The following ITIH5 variants were observed in gnomAD, a reference collection of about 807,000 sequenced individuals.
The protein encoded by ITIH5 is inter-alpha-trypsin inhibitor heavy chain 5, also known as inter-alpha-trypsin inhibitor heavy chain H5.
Under a neutral mutation model 77.5 loss-of-function variants are expected in ITIH5, and 65 were observed. The ratio of observed to expected loss-of-function variants is 0.84; its 90% CI spans 0.69 to 1.03. The LOEUF is 1.03. Among genes scored for constraint, ITIH5 ranks in the 50% least tolerant of loss-of-function variants. The probability of loss-of-function intolerance (pLI) is 0.00; values close to 1 mark genes in which losing one functional copy is unlikely to be tolerated. For missense variants in ITIH5, 1,208 were observed against 1,213.1 expected (o/e 1.00, Z 0.06); for synonymous variants, 525 against 494.3 (o/e 1.06, Z -0.82).
intron 8 of ITIH5, among the ~76,000 whole-genome samples, chr10:7,584,575 G>C (rs972333392): frequency 2.0e-5 from 3 of 152,036 alleles, no homozygotes; most frequent in African/African-American, 7.2e-5. Context: ...AAAGTGCTGG[G>C]ATTACAAGTG....
chr10:7,612,657 T>TG (rs904948678), intron 7 of ITIH5, among the ~76,000 whole-genome samples: 7 of 140,382 alleles, frequency 5.0e-5, no homozygotes, highest in African/African-American at 1.9e-4. Context: ...AAAAAAGCTG[T>TG]GTTTTTTTTT....
At chr10:7,658,094 T>C (rs991757664) in intron 1 of ITIH5, among the ~76,000 whole-genome samples, 5 of 152,260 alleles carry the variant, frequency 3.3e-5, no homozygotes, top group African/African-American at 4.8e-5. Context: ...AAACACTATA[T>C]GTAACATGAT....
At position 7,576,905 on chromosome 10, in the gene ITIH5, C is replaced by A; in HGVS notation, c.1526G>T (p.Gly509Val). The change falls in exon 10 of 14, where the codon GGC becomes GTC. Residue 509 changes from glycine to valine, a missense_variant. Transcript: ENST00000397146. ...CTTCCCCGCAATGATGATCTCCGAG[C>A]CGTTGAAGTAGTTGGGGAACAGGGT... ...TKTLFPNYFN[G>V]SEIIIAGKLV... The A allele has an allele frequency of 6.2e-7, 1 of 1,614,152 alleles. No homozygotes were observed. The highest frequency in any genetic ancestry group is 8.5e-7 in the Non-Finnish European group (1 of 1,180,034).
intron 7 of ITIH5, chr10:7,609,524 C>G (rs1480216647): frequency 2.2e-6 from 1 of 452,904 alleles, no homozygotes; most frequent in Non-Finnish European, 4.4e-6. Context: ...TGTGAGTGAA[C>G]CAAAATCGAC....
intron 2 of ITIH5, among the ~76,000 whole-genome samples, chr10:7,646,319 C>A (rs1266155484): frequency 6.6e-6 from 1 of 152,206 alleles, no homozygotes; most frequent in Non-Finnish European, 1.5e-5. Context: ...GTAAAAACTT[C>A]TAATTATGCT....
intron 5 of ITIH5, among the ~76,000 whole-genome samples, chr10:7,629,261 G>A (rs866758249): frequency 1.3e-3 from 122 of 93,914 alleles, no homozygotes; most frequent in African/African-American, 3.6e-3. Flanking sequence ...ATGTTGTAGC[G>A]TGTGTCCATG....
At chr10:7,598,985 T>C (rs928829943) in intron 7 of ITIH5, among the ~76,000 whole-genome samples, 3 of 152,260 alleles carry the variant, frequency 2.0e-5, no homozygotes. Flanking sequence ...TATGTTAAGA[T>C]TAGTTATCTA....
rs60583514 is a variant in ITIH5 at position 7,633,132 on chromosome 10, G to A, written c.652+4096C>T. Among the ~76,000 whole-genome samples the A allele has an allele frequency of 1.2e-3, 189 of 152,312 alleles. 1 individual carries two copies. Among genetic ancestry groups the A allele is most frequent in the African/African-American group, 4.4e-3 (183 of 41,570 alleles). ...TACTCTGTTCCACTGAGCTCTTAAA[G>A]CATGAGAATATTGTAGAGGATAAGA... is the stretch of plus-strand genomic sequence containing the variant. On this transcript the variant is annotated intron_variant, in intron 5 of 13. Coordinates refer to ENST00000397146, the MANE Select transcript of ITIH5 (RefSeq NM_030569.7).
At chr10:7,624,865 G>GTGTATATACA (rs1833547229) in intron 5 of ITIH5, among the ~76,000 whole-genome samples, 1 of 20,560 alleles carries the variant, frequency 4.9e-5, no homozygotes, top group Non-Finnish European at 9.6e-5. Context: ...GTGTATATAT[G>GTGTATATACA]TATATATGTA....
intron 11 of ITIH5, chr10:7,572,422 A>C: frequency 7.4e-7 from 1 of 1,360,262 alleles, no homozygotes; most frequent in Non-Finnish European, 9.8e-7. Flanking sequence ...AAACAAAAAC[A>C]AAGCCTGCCT....
At chr10:7,640,905 T>C (rs1430917125) in intron 3 of ITIH5, 50 bp from the exon 4 acceptor site, 1 of 1,198,454 alleles carries the variant, frequency 8.3e-7, no homozygotes, top group African/African-American at 1.5e-5. Context: ...CCAAGACAAA[T>C]TCAGACATGG....
chr10:7,619,010 G>A (rs534390053), intron 5 of ITIH5: 1 of 152,188 alleles, frequency 6.6e-6, no homozygotes, highest in Non-Finnish European at 1.5e-5. Flanking sequence ...TTTGTAGGGA[G>A]ACAGTTACAT....
At chr10:7,613,786 C>T (rs1046264569) in intron 7 of ITIH5, among the ~76,000 whole-genome samples, 1 of 152,182 alleles carries the variant, frequency 6.6e-6, no homozygotes, top group Non-Finnish European at 1.5e-5. Context: ...GGCCGCACAT[C>T]CCCTCTGTAG....
chr10:7,664,862 A>G (rs1834337028), intron 1 of ITIH5, among the ~76,000 whole-genome samples: 1 of 152,216 alleles, frequency 6.6e-6, no homozygotes, highest in South Asian at 2.1e-4. Flanking sequence ...ATTTAAGTAT[A>G]TTAATTGTTT....
At chr10:7,601,339 C>A (rs926738573) in intron 7 of ITIH5, among the ~76,000 whole-genome samples, 1 of 152,108 alleles carries the variant, frequency 6.6e-6, no homozygotes, top group South Asian at 2.1e-4. Context: ...GTCAAGAATG[C>A]CAAATGCCAA....
At chr10:7,606,623 C>T (rs1371600073) in intron 7 of ITIH5, among the ~76,000 whole-genome samples, 1 of 152,176 alleles carries the variant, frequency 6.6e-6, no homozygotes, top group Non-Finnish European at 1.5e-5. Flanking sequence ...AAAACTACTT[C>T]TCAGGTACTG....
chr10:7,604,653 GT>G (rs1833086094), intron 7 of ITIH5, among the ~76,000 whole-genome samples: 1 of 152,106 alleles, frequency 6.6e-6, no homozygotes, highest in African/African-American at 2.4e-5. Context: ...ATGCCTCGTG[GT>G]TTTCCCCAAC....
At chr10:7,569,997 T>C (rs572642039) in intron 11 of ITIH5, 30 of 464,726 alleles carry the variant, frequency 6.5e-5, no homozygotes, top group Non-Finnish European at 9.9e-5. Flanking sequence ...AACATTTGAC[T>C]TCAGGTCTTC....
chr10:7,591,595 T>G (rs1234906136), intron 7 of ITIH5, among the ~76,000 whole-genome samples: 1 of 152,120 alleles, frequency 6.6e-6, no homozygotes, highest in Non-Finnish European at 1.5e-5. Flanking sequence ...CCCTTGCACC[T>G]GCTGTTTTTT....
Sources: gnomAD v4.1 joint callset for allele counts (sites outside exome capture counted in the v4.1 genomes callset) on GRCh38, gnomAD v4.1.1 for gene constraint, MANE v1.5 for transcripts, NCBI Gene and HGNC (gene_info 2026-07-23, HGNC 2026-07-21) for gene names.